The following FSTL5 variants were observed in gnomAD, a reference collection of about 807,000 sequenced individuals.
The protein encoded by FSTL5 is follistatin-related protein 5.
In FSTL5, 62 loss-of-function variants were observed where a neutral mutation model predicts 89.1. The observed-to-expected ratio is 0.70, with a 90% CI of 0.57 to 0.86. The LOEUF (loss-of-function observed/expected upper bound fraction) is 0.86. Ranked by LOEUF, FSTL5 falls within the 40% of genes least tolerant of loss-of-function variation. The pLI, the probability that FSTL5 is intolerant of heterozygous loss-of-function variation, is 0.00. For missense variants in FSTL5, 1,057 were observed against 1,001.6 expected (o/e 1.06, Z -0.75); for synonymous variants, 383 against 346.2 (o/e 1.11, Z -1.18).
intron 6 of FSTL5, among the ~76,000 whole-genome samples, chr4:161,751,790 GAA>G (rs397732732): frequency 6.7e-6 from 1 of 148,932 alleles, no homozygotes; most frequent in Non-Finnish European, 1.5e-5. Flanking sequence ...CAAAAAAAAA[GAA>G]AAAAAAAGGA....
At chr4:161,486,143 C>CAAAAAAAAAAAAAAAAAAAAA (rs1278214856) in intron 12 of FSTL5, among the ~76,000 whole-genome samples, 1 of 76,164 alleles carries the variant, frequency 1.3e-5, no homozygotes, top group Non-Finnish European at 2.7e-5. Flanking sequence ...GACTCCGTCT[C>CAAAAAAAAAAAAAAAAAAAAA]AAAAAAAAAA....
At position 161,721,284 on chromosome 4, in the gene FSTL5, C is replaced by CAAAAAA. The variant is rs34307838; in HGVS notation, c.727+38121_727+38126dup. Among the ~76,000 whole-genome samples, 9 of 65,096 alleles carry CAAAAAA rather than the reference C, an allele frequency of 1.4e-4. No individual in the cohort carries two copies. In the East Asian group the frequency reaches 1.9e-3, roughly 13 times the overall value. 42.7% of individuals were successfully genotyped at this position (65,096 alleles called of 152,430 possible). On this transcript the variant is annotated intron_variant, in intron 6 of 15. Transcript: ENST00000306100. ...TGGGCGACAGAGCGAGACTCCGTCT[C>CAAAAAA]AAAAAAAAAAAAAAAAAAAAAAAAT...
chr4:161,570,994 G>A (rs141235691), intron 8 of FSTL5, among the ~76,000 whole-genome samples: 12,688 of 151,996 alleles, frequency 0.083, 591 homozygotes, highest in Middle Eastern at 0.17. Flanking sequence ...GGTGCATGTA[G>A]TCCCAGCTAC....
chr4:161,739,273 A>G (rs1201160807), intron 6 of FSTL5, among the ~76,000 whole-genome samples: 1 of 152,188 alleles, frequency 6.6e-6, no homozygotes, highest in Non-Finnish European at 1.5e-5. Flanking sequence ...AACTTGCCAC[A>G]CATATCAGGA....
At chr4:161,860,117 T>C (rs1430458691) in intron 4 of FSTL5, among the ~76,000 whole-genome samples, 2 of 151,932 alleles carry the variant, frequency 1.3e-5, no homozygotes, top group East Asian at 1.9e-4. Context: ...TGAAACCCCG[T>C]CTCTACTAAA....
At chr4:161,915,935 T>G (rs1044213687) in intron 4 of FSTL5, among the ~76,000 whole-genome samples, 3 of 152,068 alleles carry the variant, frequency 2.0e-5, no homozygotes, top group African/African-American at 7.2e-5. Flanking sequence ...GATTAGCACA[T>G]GACATTTACT....
At chr4:161,653,025 T>C (rs112101151) in intron 7 of FSTL5, among the ~76,000 whole-genome samples, 244 of 152,268 alleles carry the variant, frequency 1.6e-3, no homozygotes, top group African/African-American at 5.7e-3. Flanking sequence ...GAAAAGCTCA[T>C]CTTATGCAAA....
chr4:161,592,481 G>A (rs1346782065), intron 7 of FSTL5, among the ~76,000 whole-genome samples: 1 of 151,296 alleles, frequency 6.6e-6, no homozygotes, highest in Admixed American at 6.6e-5. Flanking sequence ...GTGTCCATGT[G>A]TTCTATTGTT....
At chr4:161,755,542 TTC>T (rs1740538970) in intron 6 of FSTL5, among the ~76,000 whole-genome samples, 1 of 152,084 alleles carries the variant, frequency 6.6e-6, no homozygotes, top group African/African-American at 2.4e-5. Flanking sequence ...GATTTCTAAC[TTC>T]TTCTGCCTTA....
chr4:161,768,738 C>G (rs1741105495), intron 5 of FSTL5, among the ~76,000 whole-genome samples: 1 of 151,402 alleles, frequency 6.6e-6, no homozygotes, highest in Non-Finnish European at 1.5e-5. Context: ...AGTGGAAAAA[C>G]TTTAAATAAA....
chr4:161,604,303 C>A lies in FSTL5; in HGVS notation c.895-16728G>T, dbSNP rs548597049. 3.3e-5 allele frequency among the ~76,000 whole-genome samples: 5 copies of A among 152,132 alleles called. No homozygotes were observed. In the East Asian group the frequency reaches 9.7e-4, roughly 29 times the overall value. On this transcript the variant is annotated intron_variant, in intron 7 of 15. Coordinates refer to ENST00000306100, the MANE Select transcript of FSTL5 (RefSeq NM_020116.5). ...GATTATCAGTTTTGAATCAGAAGAA[C>A]TCTGGGGTCCTGAATAAAGCAAGCA...
chr4:162,052,428 T>C (rs1415750298), intron 2 of FSTL5, among the ~76,000 whole-genome samples: 1 of 151,834 alleles, frequency 6.6e-6, no homozygotes, highest in Admixed American at 6.6e-5. Context: ...AAATGGTTTC[T>C]ATATTATAAT....
chr4:161,411,254 T>C (rs182634106), intron 15 of FSTL5, among the ~76,000 whole-genome samples: 2 of 152,178 alleles, frequency 1.3e-5, no homozygotes, highest in East Asian at 3.9e-4. Context: ...GTCTACCAGA[T>C]GCACAAAGAA....
rs183634255 is a variant in FSTL5 at position 161,601,528 on chromosome 4, C to A, written c.895-13953G>T. ...GCCATATAACTACCTAAGGTTGATA[C>A]TGAATGAAAAAATGTATAATACCCC... On this transcript the variant is annotated intron_variant, in intron 7 of 15. Transcript: ENST00000306100. Among the ~76,000 whole-genome samples the A allele has an allele frequency of 1.1e-3, 166 of 152,104 alleles. 1 individual carries two copies. The highest frequency in any genetic ancestry group is 3.9e-3 in the African/African-American group (161 of 41,510).
At chr4:161,647,520 T>TA (rs56699988) in intron 7 of FSTL5, among the ~76,000 whole-genome samples, 39,818 of 146,264 alleles carry the variant, frequency 0.27, 5,209 homozygotes, top group East Asian at 0.33. Flanking sequence ...TTATTTCGTT[T>TA]AAAAAAAAAA....
intron 6 of FSTL5, among the ~76,000 whole-genome samples, chr4:161,731,415 G>A (rs747505415): frequency 3.3e-5 from 5 of 152,026 alleles, no homozygotes; most frequent in Non-Finnish European, 7.4e-5. Context: ...TTTCCCCCTT[G>A]CTGTTCTCAT....
intron 4 of FSTL5, among the ~76,000 whole-genome samples, chr4:161,826,584 C>T (rs1047246225): frequency 6.6e-6 from 1 of 152,070 alleles, no homozygotes; most frequent in Non-Finnish European, 1.5e-5. Context: ...TAGGTGCATA[C>T]TTATTTAGGA....
intron 2 of FSTL5, among the ~76,000 whole-genome samples, chr4:162,059,600 C>T (rs991322630): frequency 1.3e-5 from 2 of 152,042 alleles, no homozygotes; most frequent in African/African-American, 2.4e-5. Flanking sequence ...TTTCAGAACA[C>T]GGTAATATCA....
intron 4 of FSTL5, among the ~76,000 whole-genome samples, chr4:161,895,910 G>C (rs1336346385): frequency 1.3e-5 from 2 of 151,992 alleles, no homozygotes; most frequent in African/African-American, 4.8e-5. Context: ...AAAAATATAG[G>C]GGGGCATATC....
Sources: gnomAD v4.1 joint callset for allele counts (sites outside exome capture counted in the v4.1 genomes callset) on GRCh38, gnomAD v4.1.1 for gene constraint, MANE v1.5 for transcripts, NCBI Gene and HGNC (gene_info 2026-07-23, HGNC 2026-07-21) for gene names.